The following KCND3 variants were observed in gnomAD, a reference collection of about 807,000 sequenced individuals.
The protein encoded by KCND3 is A-type voltage-gated potassium channel KCND3.
In KCND3, 9 loss-of-function variants were observed where a neutral mutation model predicts 51.1. That is an observed-to-expected ratio of 0.18 (90% CI 0.11 to 0.31). The LOEUF (loss-of-function observed/expected upper bound fraction) is 0.31. Among genes scored for constraint, KCND3 ranks in the 10% least tolerant of loss-of-function variants. The pLI, the probability that KCND3 is intolerant of heterozygous loss-of-function variation, is 1.00. For missense variants in KCND3, 526 were observed against 903.8 expected (o/e 0.58, Z 5.36); for synonymous variants, 349 against 368.0 (o/e 0.95, Z 0.59).
intron 2 of KCND3, among the ~76,000 whole-genome samples, chr1:111,940,464 C>T (rs1304828596): frequency 1.3e-5 from 2 of 152,276 alleles, no homozygotes; most frequent in East Asian, 1.9e-4. Context: ...GTTTTCCCAA[C>T]ACCATTTATT....
chr1:111,915,122 T>C (rs559154654), intron 2 of KCND3, among the ~76,000 whole-genome samples: 2 of 152,162 alleles, frequency 1.3e-5, no homozygotes, highest in South Asian at 2.1e-4. Context: ...AAAATACATA[T>C]GGATAATAAG....
At chr1:111,965,295 C>T (rs1484640384) in intron 2 of KCND3, among the ~76,000 whole-genome samples, 2 of 152,074 alleles carry the variant, frequency 1.3e-5, no homozygotes, top group South Asian at 2.1e-4. Context: ...AGAAGGGTCA[C>T]CTCTGAAGAG....
intron 2 of KCND3, among the ~76,000 whole-genome samples, chr1:111,889,474 A>G (rs1669727670): frequency 6.6e-6 from 1 of 152,250 alleles, no homozygotes; most frequent in Non-Finnish European, 1.5e-5. Flanking sequence ...TTGAGCTTCT[A>G]GTAAAGGAAG....
chr1:111,976,570 G>T (rs1273349607), intron 2 of KCND3, among the ~76,000 whole-genome samples: 1 of 152,248 alleles, frequency 6.6e-6, no homozygotes, highest in Non-Finnish European at 1.5e-5. Flanking sequence ...CATGAATCAT[G>T]CATGATCTCT....
At chr1:111,801,024 C>A (rs138457793) in intron 2 of KCND3, among the ~76,000 whole-genome samples, 54 of 152,312 alleles carry the variant, frequency 3.5e-4, no homozygotes, top group African/African-American at 1.2e-3. Flanking sequence ...GTCCCTCAGG[C>A]CTGTACCCTG....
intron 2 of KCND3, among the ~76,000 whole-genome samples, chr1:111,825,348 C>T (rs760573130): frequency 2.0e-5 from 3 of 152,044 alleles, no homozygotes; most frequent in Non-Finnish European, 2.9e-5. Context: ...TCTTAAATGC[C>T]GCACATACTT....
intron 2 of KCND3, among the ~76,000 whole-genome samples, chr1:111,805,200 C>G (rs926543492): frequency 8.6e-5 from 13 of 151,612 alleles, no homozygotes; most frequent in Non-Finnish European, 1.8e-4. Flanking sequence ...CTATTAGTCT[C>G]AATGGAATAT....
At chr1:111,827,697 A>G (rs1666640669) in intron 2 of KCND3, among the ~76,000 whole-genome samples, 1 of 152,204 alleles carries the variant, frequency 6.6e-6, no homozygotes, top group African/African-American at 2.4e-5. Flanking sequence ...GAGGTTACAC[A>G]TCTCCAACTG....
intron 2 of KCND3, among the ~76,000 whole-genome samples, chr1:111,884,535 C>G (rs373690735): frequency 6.6e-6 from 1 of 152,134 alleles, no homozygotes; most frequent in East Asian, 1.9e-4. Flanking sequence ...TTCTAGGAAA[C>G]AGGAGAGAAA....
At chr1:111,933,936 G>C (rs764867914) in intron 2 of KCND3, among the ~76,000 whole-genome samples, 6 of 152,174 alleles carry the variant, frequency 3.9e-5, no homozygotes, top group Non-Finnish European at 8.8e-5. Context: ...CCTAGATACC[G>C]TGCTATAGGC....
chr1:111,881,539 C>T (rs949494153), intron 2 of KCND3, among the ~76,000 whole-genome samples: 4 of 152,196 alleles, frequency 2.6e-5, no homozygotes, highest in South Asian at 2.1e-4. Context: ...CTGGCTACTG[C>T]GTGTGGAAAA....
intron 2 of KCND3, among the ~76,000 whole-genome samples, chr1:111,880,155 G>A (rs568698054): frequency 1.3e-5 from 2 of 152,214 alleles, no homozygotes; most frequent in African/African-American, 2.4e-5. Context: ...TCCCACTAAC[G>A]CTAGAACCTG....
intron 2 of KCND3, among the ~76,000 whole-genome samples, chr1:111,847,270 AT>A (rs1667595429): frequency 6.6e-6 from 1 of 152,194 alleles, no homozygotes; most frequent in African/African-American, 2.4e-5. Context: ...ACACCTCTGT[AT>A]CACCTTTCCT....
chr1:111,851,671 T>A lies in KCND3; in HGVS notation c.1107-64565A>T, dbSNP rs185156169. ...TCTGTCTTCCTCACTAGACGTGAGCTCCTCAGGGACCAAGCCTGTTCCTCA... is the reference window on the plus strand; with the variant it reads ...TCTGTCTTCCTCACTAGACGTGAGCACCTCAGGGACCAAGCCTGTTCCTCA... On this transcript the variant is annotated intron_variant, in intron 2 of 7. Transcript: ENST00000302127. Among the ~76,000 whole-genome samples the A allele has an allele frequency of 4.1e-3, 618 of 152,354 alleles. 7 individuals are homozygous for A. Among genetic ancestry groups the A allele is most frequent in the African/African-American group, 0.014 (575 of 41,582 alleles).
chr1:111,886,329 T>A (rs534153440), intron 2 of KCND3, among the ~76,000 whole-genome samples: 29 of 152,318 alleles, frequency 1.9e-4, no homozygotes, highest in African/African-American at 6.7e-4. Context: ...TTCATTTCTG[T>A]CTGCTATATT....
intron 2 of KCND3, among the ~76,000 whole-genome samples, chr1:111,939,388 C>A (rs906057454): frequency 6.6e-6 from 1 of 152,090 alleles, no homozygotes; most frequent in Admixed American, 6.5e-5. Flanking sequence ...TAGTTCCCCA[C>A]CCCCCAACAG....
chr1:111,936,845 T>C (rs1466160043), intron 2 of KCND3, among the ~76,000 whole-genome samples: 1 of 152,230 alleles, frequency 6.6e-6, no homozygotes, highest in African/African-American at 2.4e-5. Flanking sequence ...GGCTTTTCTG[T>C]TCACTGCATC....
At chr1:111,930,423 T>C (rs1671910672) in intron 2 of KCND3, among the ~76,000 whole-genome samples, 1 of 152,256 alleles carries the variant, frequency 6.6e-6, no homozygotes, top group African/African-American at 2.4e-5. Context: ...AGGTTCTCTC[T>C]GCAGGAAGGC....
At chr1:111,802,697 A>C (rs1665372004) in intron 2 of KCND3, among the ~76,000 whole-genome samples, 1 of 152,224 alleles carries the variant, frequency 6.6e-6, no homozygotes, top group African/African-American at 2.4e-5. Context: ...GGAATGTCAC[A>C]TTGAGCCTGT....
Sources: gnomAD v4.1 joint callset for allele counts (sites outside exome capture counted in the v4.1 genomes callset) on GRCh38, gnomAD v4.1.1 for gene constraint, MANE v1.5 for transcripts, NCBI Gene and HGNC (gene_info 2026-07-23, HGNC 2026-07-21) for gene names.